UGGT1: variants seen among roughly 807,000 people sequenced by gnomAD.
The protein encoded by UGGT1 is UDP-glucose:glycoprotein glucosyltransferase 1.
UGGT1 carries 107 observed loss-of-function variants against 203.9 expected under a neutral mutation model. The ratio of observed to expected loss-of-function variants is 0.52; its 90% CI spans 0.45 to 0.62. UGGT1 has a LOEUF of 0.62. Ranked by LOEUF, UGGT1 falls within the 20% of genes least tolerant of loss-of-function variation. UGGT1 has a pLI of 0.00. For missense variants in UGGT1, 1,673 were observed against 1,867.2 expected (o/e 0.90, Z 1.92); for synonymous variants, 628 against 653.5 (o/e 0.96, Z 0.59).
intron 37 of UGGT1, among the ~76,000 whole-genome samples, chr2:128,183,266 T>A (rs1258633612): frequency 6.6e-6 from 1 of 152,234 alleles, no homozygotes; most frequent in Non-Finnish European, 1.5e-5. Flanking sequence ...TGATGGTGGC[T>A]TCATTCTTTA....
intron 5 of UGGT1, 136 bp from the exon 6 acceptor site, chr2:128,112,948 T>A (rs1687936466): frequency 2.7e-6 from 2 of 750,272 alleles, no homozygotes; most frequent in Admixed American, 7.5e-5. Context: ...GAAAAATATT[T>A]AAGATCATGC....
At position 128,112,018 on chromosome 2, in the gene UGGT1, G is replaced by A. The variant is rs141413888; in HGVS notation, c.522-1066G>A. On this transcript the variant is annotated intron_variant, in intron 5 of 40. Transcript: ENST00000259253. ...TTGGGCATGATGTCGTGCACCTGTA[G>A]TCCCTCCTTGAGCTCTGGAGGTCGA... Among the ~76,000 whole-genome samples the A allele has an allele frequency of 4.4e-3, 672 of 151,574 alleles. 2 individuals carry two copies. Among genetic ancestry groups the A allele is most frequent in the African/African-American group, 0.015 (638 of 41,368 alleles).
At chr2:128,104,088 A>G (rs1007858093) in intron 3 of UGGT1, 74 bp downstream of exon 3, 60 of 1,121,340 alleles carry the variant, frequency 5.4e-5, no homozygotes, top group Non-Finnish European at 6.4e-5. Context: ...TCTTTATAGT[A>G]TGTGTGGCAT....
chr2:128,134,665 G>T (rs546670484), intron 14 of UGGT1, among the ~76,000 whole-genome samples: 4 of 152,270 alleles, frequency 2.6e-5, no homozygotes, highest in Admixed American at 2.0e-4. Flanking sequence ...TGTTATCAGC[G>T]TAAGTCCATG....
rs1691428686 is a variant in UGGT1 at position 128,177,020 on chromosome 2, T to C, written c.3624+122T>C. ...TATGGCAATTATAGGGATACTGCTTTAAGGCAAAATGTCTTTGTAACTGTG... is the reference window on the plus strand; with the variant it reads ...TATGGCAATTATAGGGATACTGCTTCAAGGCAAAATGTCTTTGTAACTGTG... On this transcript the variant is annotated intron_variant, in intron 32 of 40. Coordinates refer to ENST00000259253, the MANE Select transcript of UGGT1 (RefSeq NM_020120.4). 5.9e-6 allele frequency: 5 copies of C among 842,780 alleles called. No homozygotes were observed. The South Asian group carries it at 6.9e-5, about 12-fold the overall frequency. 52.2% of individuals were successfully genotyped at this position (842,780 alleles called of 1,614,324 possible).
intron 8 of UGGT1, among the ~76,000 whole-genome samples, chr2:128,117,159 AG>A (rs1272280711): frequency 6.6e-6 from 1 of 151,800 alleles, no homozygotes; most frequent in Admixed American, 6.6e-5. Flanking sequence ...GTGCAATCTC[AG>A]TTCACTGCAA....
chr2:128,162,666 G>A (rs1195813737), intron 25 of UGGT1, among the ~76,000 whole-genome samples: 2 of 151,996 alleles, frequency 1.3e-5, no homozygotes, highest in Admixed American at 6.5e-5. Flanking sequence ...CCCTTGTCCC[G>A]ACCTGTGAAA....
chr2:128,151,311 CT>C, intron 18 of UGGT1: 1 of 572,660 alleles, frequency 1.7e-6, no homozygotes, highest in Admixed American at 2.3e-5. Context: ...TCAGCAGCAC[CT>C]TCACAGGCAG....
intron 26 of UGGT1, among the ~76,000 whole-genome samples, chr2:128,166,743 A>G (rs1217924682): frequency 2.0e-5 from 3 of 152,232 alleles, no homozygotes; most frequent in African/African-American, 7.2e-5. Flanking sequence ...AGCCCTGCGC[A>G]GTAATGTATA....
intron 26 of UGGT1, among the ~76,000 whole-genome samples, chr2:128,166,333 G>T (rs1690787261): frequency 6.6e-6 from 1 of 152,116 alleles, no homozygotes. Flanking sequence ...ATTTTTTCCT[G>T]CACCATTTGG....
rs746080787 is a variant in UGGT1 at position 128,127,437 on chromosome 2, C to T, written c.1211C>T (p.Thr404Ile). 8 of 1,611,788 alleles carry T rather than the reference C, an allele frequency of 5.0e-6. No homozygotes were observed. In the South Asian group the frequency reaches 8.8e-5, roughly 18 times the overall value. Residue 404 changes from threonine (T) to isoleucine (I), a missense_variant, in exon 12 of 41, where the codon ACA becomes ATA. Physicochemically the swap from Thr to Ile is moderately conservative, Grantham distance 89. This residue lies in a region of UGGT1 where 1,073 missense variants were observed against 1,078.7 expected (regional missense o/e 0.99). Coordinates refer to ENST00000259253, the MANE Select transcript of UGGT1 (RefSeq NM_020120.4). ...AATGGACTTCACATGGATTTAGATA[C>T]ACAGGATATATTCAGGTATGGATAA... ...FINGLHMDLDTQDIFSLFDVL... is the reference protein window; with the variant it reads ...FINGLHMDLDIQDIFSLFDVL...
At chr2:128,104,951 A>G (rs1053062889) in intron 3 of UGGT1, among the ~76,000 whole-genome samples, 2 of 151,710 alleles carry the variant, frequency 1.3e-5, no homozygotes, top group African/African-American at 4.8e-5. Flanking sequence ...CTGGCCAGAT[A>G]TAAGTTCTTA....
chr2:128,169,861 G>C (rs1229071327), intron 26 of UGGT1, among the ~76,000 whole-genome samples: 2 of 152,212 alleles, frequency 1.3e-5, no homozygotes, highest in Non-Finnish European at 2.9e-5. Flanking sequence ...AGTGGGCTGG[G>C]ATAGTGAATA....
At chr2:128,128,637 C>T (rs905530650) in intron 12 of UGGT1, among the ~76,000 whole-genome samples, 1 of 152,184 alleles carries the variant, frequency 6.6e-6, no homozygotes, top group Admixed American at 6.6e-5. Flanking sequence ...TTCTGTCTCT[C>T]CCAGCAAACC....
chr2:128,117,966 G>A (rs1365818143), intron 8 of UGGT1, among the ~76,000 whole-genome samples: 2 of 28,024 alleles, frequency 7.1e-5, no homozygotes, highest in Non-Finnish European at 4.3e-4. Flanking sequence ...CATTTTGTGT[G>A]TGTGTGTGTG....
intron 19 of UGGT1, among the ~76,000 whole-genome samples, chr2:128,154,450 G>T (rs1032817305): frequency 1.3e-5 from 2 of 152,186 alleles, no homozygotes; most frequent in Non-Finnish European, 2.9e-5. Context: ...CAATTAGGAG[G>T]CTCTGGCATC....
intron 18 of UGGT1, among the ~76,000 whole-genome samples, chr2:128,150,650 A>AT (rs1028216331): frequency 3.2e-5 from 4 of 125,476 alleles, no homozygotes; most frequent in East Asian, 2.4e-4. Context: ...ACAATTATTT[A>AT]TTTTTTTTAA....
At chr2:128,117,278 C>T (rs550200818) in intron 8 of UGGT1, among the ~76,000 whole-genome samples, 3 of 151,582 alleles carry the variant, frequency 2.0e-5, no homozygotes, top group Admixed American at 6.6e-5. Flanking sequence ...TTAGTAGAGA[C>T]GGGGTTTCAC....
chr2:128,109,581 A>G, intron 4 of UGGT1, 53 bp from the exon 5 acceptor site: 1 of 1,394,512 alleles, frequency 7.2e-7, no homozygotes, highest in Admixed American at 1.7e-5. Flanking sequence ...ACATGTCTTT[A>G]TCTCGTCTTT....
Sources: gnomAD v4.1 joint callset for allele counts (sites outside exome capture counted in the v4.1 genomes callset) on GRCh38, gnomAD v4.1.1 for gene constraint, gnomAD v4.1.1 regional missense constraint, MANE v1.5 for transcripts, NCBI Gene and HGNC (gene_info 2026-07-23, HGNC 2026-07-21) for gene names.